TANC2: variants seen among roughly 807,000 people sequenced by gnomAD.
TANC2 encodes protein TANC2.
Under a neutral mutation model 210.5 loss-of-function variants are expected in TANC2, and 26 were observed. That is an observed-to-expected ratio of 0.12 (90% CI 0.09 to 0.17). The LOEUF (loss-of-function observed/expected upper bound fraction) is 0.17, where lower values mean the gene tolerates loss of function less well. Among genes scored for constraint, TANC2 ranks in the 10% least tolerant of loss-of-function variants. TANC2 has a pLI of 1.00. For synonymous variants in TANC2, 931 were observed against 967.1 expected (o/e 0.96, Z 0.69); for missense variants, 2,129 against 2,608.9 (o/e 0.82, Z 4.01).
intron 1 of TANC2, among the ~76,000 whole-genome samples, chr17:62,971,160 C>T (rs1241084922): frequency 2.0e-5 from 3 of 151,132 alleles, no homozygotes; most frequent in African/African-American, 4.9e-5. Flanking sequence ...AGATGAAGAC[C>T]GTTTAAAATG....
At chr17:63,142,090 T>C (rs1242226814) in intron 4 of TANC2, among the ~76,000 whole-genome samples, 2 of 152,188 alleles carry the variant, frequency 1.3e-5, no homozygotes, top group East Asian at 3.9e-4. Context: ...TAGCCACATA[T>C]ATCTGAAGTA....
intron 26 of TANC2, among the ~76,000 whole-genome samples, chr17:63,416,276 A>G (rs898665577): frequency 3.9e-5 from 6 of 151,948 alleles, no homozygotes; most frequent in African/African-American, 1.5e-4. Flanking sequence ...CCCATCTCAC[A>G]TGTCCCCAGA....
chr17:63,139,873 C>A (rs978564444), intron 4 of TANC2, among the ~76,000 whole-genome samples: 1 of 152,192 alleles, frequency 6.6e-6, no homozygotes, highest in Non-Finnish European at 1.5e-5. Flanking sequence ...TACTGCACTT[C>A]AGCCAGGGTG....
At chr17:63,015,136 G>A (rs1221122281) in intron 2 of TANC2, among the ~76,000 whole-genome samples, 1 of 151,566 alleles carries the variant, frequency 6.6e-6, no homozygotes, top group African/African-American at 2.4e-5. Flanking sequence ...TTTCTCATAG[G>A]TATATAATTT....
intron 8 of TANC2, among the ~76,000 whole-genome samples, chr17:63,255,666 C>T (rs2043173106): frequency 6.6e-6 from 1 of 151,978 alleles, no homozygotes; most frequent in African/African-American, 2.4e-5. Context: ...ATGTCGTTTT[C>T]ATCTCTGATT....
Position 63,421,558 on chromosome 17 carries a change from C to G in TANC2, c.5828C>G (p.Pro1943Arg). The change falls in exon 28 of 28, where the codon CCC (proline) becomes CGC (arginine). Residue 1943 changes from proline (P) to arginine (R), a missense_variant. Transcript: ENST00000689528. This position sits in a 1 kb window ranked among gnomAD's most constrained non-coding sequence, Gnocchi z 6.9. Reference sequence around the variant, plus strand: ...AAAACAGCACGGACTCAGCAGTACCCCCACCTCCACCAGCAGAATCGGACC... The same window carrying G: ...AAAACAGCACGGACTCAGCAGTACCGCCACCTCCACCAGCAGAATCGGACC... 6.2e-7 allele frequency: 1 copy of G among 1,614,026 alleles called. No individual in the cohort carries two copies. Among genetic ancestry groups the G allele is most frequent in the Non-Finnish European group, 8.5e-7 (1 of 1,179,896 alleles).
At chr17:62,980,575 T>G (rs925450105) in intron 1 of TANC2, among the ~76,000 whole-genome samples, 16 of 152,172 alleles carry the variant, frequency 1.1e-4, no homozygotes, top group Non-Finnish European at 2.1e-4. Context: ...ATACTCTGGC[T>G]TCCTGACTTC....
intron 9 of TANC2, among the ~76,000 whole-genome samples, chr17:63,287,639 T>C (rs965784830): frequency 1.3e-5 from 2 of 152,142 alleles, no homozygotes; most frequent in African/African-American, 4.8e-5. Flanking sequence ...TGTTTGGTAC[T>C]TCTGAGATAA....
At chr17:63,384,567 A>G (rs990324808) in intron 15 of TANC2, among the ~76,000 whole-genome samples, 16 of 152,142 alleles carry the variant, frequency 1.1e-4, no homozygotes, top group African/African-American at 3.6e-4. Flanking sequence ...TGTAACAATT[A>G]TAGTAGAAGC....
At chr17:63,316,235 C>G (rs2045308684) in intron 10 of TANC2, among the ~76,000 whole-genome samples, 1 of 152,228 alleles carries the variant, frequency 6.6e-6, no homozygotes, top group Admixed American at 6.5e-5. Context: ...TCACTCCAAA[C>G]TGCTGTTTAT....
rs577936850 is a variant in TANC2, at chr17:63,216,776, C to T, written c.769+15819C>T. On this transcript the variant is annotated intron_variant, in intron 7 of 27. Coordinates refer to ENST00000689528, the Ensembl canonical transcript of TANC2. ...AATATTTCAGTGGTCCACCCAAAAA[C>T]AGCAGAGTACAGATTCCTTTTTAGA... is the stretch of plus-strand genomic sequence containing the variant. 2.0e-5 allele frequency among the ~76,000 whole-genome samples: 3 copies of T among 152,262 alleles called. No homozygotes were observed. The East Asian group carries it at 5.8e-4, about 29-fold the overall frequency.
chr17:63,068,508 C>T (rs2036282841), intron 2 of TANC2, among the ~76,000 whole-genome samples: 1 of 152,084 alleles, frequency 6.6e-6, no homozygotes, highest in Admixed American at 6.6e-5. Context: ...GGAAATGGTT[C>T]ATTGCAGACT....
In TANC2 at chr17:63,153,081, A is replaced by T. The variant is rs767105129; in HGVS notation, c.433+1701A>T. 2.6e-5 allele frequency: 4 copies of T among 152,202 alleles called. No homozygotes were observed. In the East Asian group the frequency reaches 7.7e-4, roughly 29 times the overall value. 9.4% of individuals were successfully genotyped at this position (152,202 alleles called of 1,614,324 possible). Reference sequence around the variant, plus strand: ...TGCTCATCTCTAATCAAGTTATTAGATGCTCTGAAAATTAGTTTCTACCAA... The same window carrying T: ...TGCTCATCTCTAATCAAGTTATTAGTTGCTCTGAAAATTAGTTTCTACCAA... On this transcript the variant is annotated intron_variant, in intron 5 of 27. Transcript: ENST00000689528.
intron 14 of TANC2, among the ~76,000 whole-genome samples, chr17:63,370,484 GTCC>G (rs1487324662): frequency 3.3e-5 from 5 of 151,964 alleles, no homozygotes; most frequent in Non-Finnish European, 7.4e-5. Context: ...GGCCTCCTTA[GTCC>G]TCCTTTCTAC....
chr17:63,015,743 TAA>T, intron 2 of TANC2, among the ~76,000 whole-genome samples: 1 of 151,704 alleles, frequency 6.6e-6, no homozygotes, highest in African/African-American at 2.4e-5. Flanking sequence ...GAAATTTTCT[TAA>T]AAAAAAACCG....
chr17:63,244,001 C>T (rs2042848617), intron 8 of TANC2, among the ~76,000 whole-genome samples: 1 of 152,002 alleles, frequency 6.6e-6, no homozygotes, highest in African/African-American at 2.4e-5. Context: ...AAAGTCAGAG[C>T]CAAATCAAGA....
intron 14 of TANC2, among the ~76,000 whole-genome samples, chr17:63,373,292 C>T (rs1170652600): frequency 6.6e-6 from 1 of 152,120 alleles, no homozygotes; most frequent in Non-Finnish European, 1.5e-5. Context: ...TTATTTCTTA[C>T]CTACTCTTTC....
chr17:63,333,296 A>G (rs894941589), intron 11 of TANC2, among the ~76,000 whole-genome samples: 24 of 152,320 alleles, frequency 1.6e-4, no homozygotes, highest in Middle Eastern at 3.4e-3. Flanking sequence ...GGAGGTCAAT[A>G]TTAACATTAC....
intron 1 of TANC2, among the ~76,000 whole-genome samples, chr17:62,976,189 G>A (rs541343740): frequency 6.6e-6 from 1 of 152,094 alleles, no homozygotes; most frequent in African/African-American, 2.4e-5. Context: ...CTACTAACTT[G>A]ACAAAAATTA....
Sources: gnomAD v4.1 joint callset for allele counts (sites outside exome capture counted in the v4.1 genomes callset) on GRCh38, gnomAD v4.1.1 for gene constraint, Gnocchi (gnomAD v3.1) non-coding constraint, MANE v1.5 for transcripts, NCBI Gene and HGNC (gene_info 2026-07-23, HGNC 2026-07-21) for gene names.